MXD1: variants seen among roughly 807,000 people sequenced by gnomAD.
The protein encoded by MXD1 is MAX-binding protein.
A neutral mutation model predicts 25.7 loss-of-function variants in MXD1; 9 were observed. The ratio of observed to expected loss-of-function variants is 0.35; its 90% CI spans 0.21 to 0.61. The LOEUF (loss-of-function observed/expected upper bound fraction) is 0.61. Among genes scored for constraint, MXD1 ranks in the 20% least tolerant of loss-of-function variants. The pLI, the probability that MXD1 is intolerant of heterozygous loss-of-function variation, is 0.75. For missense variants in MXD1, 227 were observed against 292.4 expected (o/e 0.78, Z 1.63); for synonymous variants, 99 against 113.9 (o/e 0.87, Z 0.83).
intron 3 of MXD1, among the ~76,000 whole-genome samples, chr2:69,935,117 AC>A (rs1187970827): frequency 6.6e-6 from 1 of 152,208 alleles, no homozygotes; most frequent in African/African-American, 2.4e-5. Context: ...ATTATTCCCT[AC>A]CCCAGCACTT....
chr2:69,921,728 T>C lies in MXD1; in HGVS notation c.174-8T>C, dbSNP rs1020908007. On this transcript the variant is annotated splice_polypyrimidine_tract_variant and splice_region_variant and intron_variant, in intron 2 of 5. Transcript: ENST00000264444. ...ATCTTATTCTTCTCTTATTGTTCCC[T>C]CTTTCAGATCAACTCACAATGAAAT... 3 of 1,609,054 alleles carry C rather than the reference T, an allele frequency of 1.9e-6. No individual in the cohort carries two copies. The highest frequency in any genetic ancestry group is 2.7e-5 in the African/African-American group (2 of 74,852).
intron 2 of MXD1, among the ~76,000 whole-genome samples, chr2:69,919,275 G>C (rs1677015394): frequency 6.6e-6 from 1 of 152,046 alleles, no homozygotes; most frequent in Admixed American, 6.5e-5. Context: ...ACCTACAAGG[G>C]GTGGTCCTTG....
chr2:69,932,441 G>T (rs779839849), intron 3 of MXD1, among the ~76,000 whole-genome samples: 1 of 152,192 alleles, frequency 6.6e-6, no homozygotes, highest in African/African-American at 2.4e-5. Flanking sequence ...TGGGCAGGGG[G>T]CAGCCATCAG....
At position 69,942,001 on chromosome 2, in the gene MXD1, A is replaced by G. The variant is rs1229109192; in HGVS notation, c.*3717A>G. 2 of 151,850 alleles carry G rather than the reference A, an allele frequency of 1.3e-5. No homozygotes were observed. The highest frequency in any genetic ancestry group is 2.4e-5 in the African/African-American group (1 of 41,296). The allele number at this position is 151,850 out of a possible 1,614,324, so 9.4% of individuals were successfully genotyped here. The stretch of plus-strand genomic sequence containing the variant: ...GTCTTTTTTTATTTTCTATTTTTTC[A>G]TGAACCACACAGGAGACTTTAACAT... On this transcript the variant is annotated 3_prime_UTR_variant, in exon 6 of 6. Coordinates refer to ENST00000264444, the MANE Select transcript of MXD1 (RefSeq NM_002357.4).
chr2:69,938,387 G>A lies in MXD1; in HGVS notation c.*103G>A. ...AACTCCCTTGCACGTAAACTTCAGTGTCCCACCTTGACCAAAATCAGCTTT... is the reference window on the plus strand; with the variant it reads ...AACTCCCTTGCACGTAAACTTCAGTATCCCACCTTGACCAAAATCAGCTTT... On this transcript the variant is annotated 3_prime_UTR_variant, in exon 6 of 6. Transcript: ENST00000264444. 7.9e-7 allele frequency: 1 copy of A among 1,264,510 alleles called. No individual in the cohort carries two copies. The highest frequency in any genetic ancestry group is 2.3e-5 in the Admixed American group (1 of 44,338). 78.3% of individuals were successfully genotyped at this position (1,264,510 alleles called of 1,614,324 possible).
intron 3 of MXD1, among the ~76,000 whole-genome samples, chr2:69,928,786 C>T (rs1463780694): frequency 4.6e-5 from 7 of 151,764 alleles, no homozygotes; most frequent in African/African-American, 9.7e-5. Context: ...GTTGATGCTA[C>T]AGTAAACTGT....
Position 69,938,088 on chromosome 2 carries a change from T to C in MXD1, c.479-9T>C. The C allele has an allele frequency of 6.2e-7, 1 of 1,612,932 alleles. No homozygotes were observed. Among genetic ancestry groups the C allele is most frequent in the Non-Finnish European group, 8.5e-7 (1 of 1,179,198 alleles). On this transcript the variant is annotated splice_polypyrimidine_tract_variant and intron_variant, in intron 5 of 5. Coordinates refer to ENST00000264444, the MANE Select transcript of MXD1 (RefSeq NM_002357.4). ...TCATCAATGTCCTTCTCTCTTGTCC[T>C]CCCTGCAGAAGAAATCGACGTTGAC...
At chr2:69,937,532 C>A in intron 5 of MXD1, 138 bp downstream of exon 5, 1 of 790,906 alleles carries the variant, frequency 1.3e-6, no homozygotes. Flanking sequence ...AACAGTGTGA[C>A]CTCCAGTGAC....
At chr2:69,926,992 C>T (rs1399627700) in intron 3 of MXD1, among the ~76,000 whole-genome samples, 1 of 152,216 alleles carries the variant, frequency 6.6e-6, no homozygotes, top group Non-Finnish European at 1.5e-5. Context: ...GAGCTACTAC[C>T]TCTGCCAGAG....
At chr2:69,923,171 A>C (rs1677103340) in intron 3 of MXD1, among the ~76,000 whole-genome samples, 2 of 152,170 alleles carry the variant, frequency 1.3e-5, no homozygotes, top group Admixed American at 1.3e-4. Context: ...AACAAACAAA[A>C]TAATGCCCAG....
At chr2:69,932,907 C>T (rs1677325886) in intron 3 of MXD1, among the ~76,000 whole-genome samples, 1 of 152,012 alleles carries the variant, frequency 6.6e-6, no homozygotes, top group African/African-American at 2.4e-5. Context: ...AATTTTTGAA[C>T]TTTTTCTTCT....
chr2:69,926,881 CTT>C (rs1677181229), intron 3 of MXD1, among the ~76,000 whole-genome samples: 1 of 152,130 alleles, frequency 6.6e-6, no homozygotes. Flanking sequence ...AGAATAGACT[CTT>C]TTTTCAAAAG....
intron 3 of MXD1, among the ~76,000 whole-genome samples, chr2:69,924,923 C>A (rs769160324): frequency 1.2e-4 from 18 of 152,174 alleles, no homozygotes; most frequent in South Asian, 6.2e-4. Flanking sequence ...TCTATGTTAT[C>A]AGGACTCCAC....
intron 3 of MXD1, 35 bp from the exon 4 acceptor site, chr2:69,935,316 A>G: frequency 6.6e-7 from 1 of 1,513,364 alleles, no homozygotes; most frequent in African/African-American, 1.4e-5. Context: ...CCCACTGTGA[A>G]ACTCTCAAAT....
Position 69,935,407 on chromosome 2 carries a change from C to A in MXD1, c.260C>A (p.Pro87His). The change falls in exon 4 of 6, where the codon CCC becomes CAC. Residue 87 changes from proline to histidine, a missense_variant. Transcript: ENST00000264444. ...EKLKGLVPLG[P>H]ESSRHTTLSL... The stretch of plus-strand genomic sequence containing the variant: ...TTGAAGGGGCTGGTGCCACTTGGAC[C>A]CGAATCAAGTCGACACACTACGTTG... The A allele has an allele frequency of 6.2e-7, 1 of 1,614,100 alleles. No individual in the cohort carries two copies. Among genetic ancestry groups the A allele is most frequent in the South Asian group, 1.1e-5 (1 of 91,088 alleles).
At chr2:69,933,001 C>T (rs1361423739) in intron 3 of MXD1, among the ~76,000 whole-genome samples, 7 of 151,932 alleles carry the variant, frequency 4.6e-5, no homozygotes, top group Non-Finnish European at 7.4e-5. Context: ...GAGTTCGAGA[C>T]CAGCCTGGCC....
Position 69,915,251 on chromosome 2 carries a change from G to C in MXD1, c.-80G>C. The C allele has an allele frequency of 8.1e-7, 1 of 1,230,184 alleles. No homozygotes were observed. Among genetic ancestry groups the C allele is most frequent in the Non-Finnish European group, 1.0e-6 (1 of 959,744 alleles). The allele number at this position is 1,230,184 out of a possible 1,614,324, so 76.2% of individuals were successfully genotyped here. On this transcript the variant is annotated 5_prime_UTR_variant, in exon 1 of 6. Transcript: ENST00000264444. The surrounding 1 kb of genome is among the most constrained non-coding windows in gnomAD (Gnocchi z 5.8). ...CGGGCTCCACAGCGGGCTCCATAGC[G>C]GGCTCCACAGCGGTCCGGCGGCGGC...
intron 2 of MXD1, 200 bp downstream of exon 2, chr2:69,916,420 A>G (rs1676963523): frequency 2.4e-6 from 1 of 410,198 alleles, no homozygotes; most frequent in Non-Finnish European, 4.3e-6. Context: ...AAAAATAGAA[A>G]TGTTTTACAT....
chr2:69,923,476 A>C (rs1055361237), intron 3 of MXD1, among the ~76,000 whole-genome samples: 6 of 152,208 alleles, frequency 3.9e-5, no homozygotes, highest in African/African-American at 1.4e-4. Context: ...GAAAGTCAGG[A>C]TCTGAATGAT....
Sources: gnomAD v4.1 joint callset for allele counts (sites outside exome capture counted in the v4.1 genomes callset) on GRCh38, gnomAD v4.1.1 for gene constraint, Gnocchi (gnomAD v3.1) non-coding constraint, MANE v1.5 for transcripts, NCBI Gene and HGNC (gene_info 2026-07-23, HGNC 2026-07-21) for gene names.